CST8: variants seen among roughly 807,000 people sequenced by gnomAD.
The protein encoded by CST8 is cystatin 8, also known as cystatin-8.
In CST8, 20 loss-of-function variants were observed where a neutral mutation model predicts 11.8. The ratio of observed to expected loss-of-function variants is 1.70; its 90% CI spans 1.20 to 2.47. The LOEUF (loss-of-function observed/expected upper bound fraction) is 2.47. CST8 is among the 30% of genes most tolerant of loss of function. The probability of loss-of-function intolerance (pLI) is 0.00; values close to 1 mark genes in which losing one functional copy is unlikely to be tolerated. For synonymous variants in CST8, 77 were observed against 63.1 expected, an observed-to-expected ratio of 1.22 and a Z score of -1.05; for missense variants, 196 against 167.2, an observed-to-expected ratio of 1.17 and a Z score of -0.95.
At chr20:23,496,230 A>C (rs1382052028), downstream of CST8, among the ~76,000 whole-genome samples, 1 of 151,848 alleles carries the variant, frequency 6.6e-6, no homozygotes, top group Non-Finnish European at 1.5e-5. Flanking sequence ...ATATCAGGTG[A>C]AATTCACCCC....
In CST8 at chr20:23,495,843, A is replaced by C. The variant is rs201638851; in HGVS notation, c.358A>C (p.Ser120Arg). The change falls in exon 4 of 4, where the codon AGC becomes CGC. Residue 120 changes from serine to arginine, a missense_variant. Ser to Arg is a moderately radical substitution (Grantham distance 110). Transcript: ENST00000246012. ...TCATCTTTTTCAGAAATTAAGCTGC[A>C]GCTTTTTGGTAGGAGCACTTCCCTG... ...NSKLKRKLSCSFLVGALPWNG... is the reference protein window; with the variant it reads ...NSKLKRKLSCRFLVGALPWNG... 62 of 1,603,374 alleles carry C rather than the reference A, an allele frequency of 3.9e-5. No individual in the cohort carries two copies. The highest frequency in any genetic ancestry group is 1.9e-4 in the Admixed American group (11 of 58,510).
intron 2 of CST8, 97 bp downstream of exon 2, chr20:23,491,995 A>G: frequency 2.2e-6 from 2 of 905,498 alleles, no homozygotes; most frequent in South Asian, 3.1e-5. Flanking sequence ...ATCACTATGC[A>G]AAAATCCTAA....
At chr20:23,499,913 C>T (rs1171150326), downstream of CST8, among the ~76,000 whole-genome samples, 1 of 151,990 alleles carries the variant, frequency 6.6e-6, no homozygotes, top group Non-Finnish European at 1.5e-5. Context: ...ATTTGGCTCA[C>T]AGTTCTGTAA....
chr20:23,497,273 C>T (rs1423519980), downstream of CST8, among the ~76,000 whole-genome samples: 2 of 152,246 alleles, frequency 1.3e-5, no homozygotes, highest in African/African-American at 4.8e-5. Context: ...ATGGCTTCAG[C>T]CGGTCCCTCT....
the CST8 span, among the ~76,000 whole-genome samples, chr20:23,503,282 A>G: frequency 6.6e-6 from 1 of 152,240 alleles, no homozygotes; most frequent in African/African-American, 2.4e-5. Flanking sequence ...AAACTAATAG[A>G]CTAGAGAGTC....
intron 3 of CST8, among the ~76,000 whole-genome samples, chr20:23,494,416 C>CT (rs1987981112): frequency 6.6e-6 from 1 of 152,136 alleles, no homozygotes; most frequent in Admixed American, 6.6e-5. Context: ...AAAACTTTCT[C>CT]TTTTTCCAAG....
chr20:23,503,078 G>A, the CST8 span, among the ~76,000 whole-genome samples: 3 of 152,192 alleles, frequency 2.0e-5, no homozygotes, highest in South Asian at 6.2e-4. Context: ...GGCAGATACT[G>A]ATTGATACGT....
At chr20:23,500,285 T>G (rs993611496), downstream of CST8, among the ~76,000 whole-genome samples, 2 of 152,174 alleles carry the variant, frequency 1.3e-5, no homozygotes, top group African/African-American at 2.4e-5. Flanking sequence ...TTGACCCTGC[T>G]GGGACCAGGG....
the CST8 span, among the ~76,000 whole-genome samples, chr20:23,501,822 C>CT: frequency 2.0e-5 from 3 of 152,148 alleles, no homozygotes; most frequent in South Asian, 2.1e-4. Context: ...ATTATTGTTC[C>CT]TTTTTTCTGG....
chr20:23,504,762 G>A, the CST8 span, among the ~76,000 whole-genome samples: 1 of 152,098 alleles, frequency 6.6e-6, no homozygotes, highest in Admixed American at 6.6e-5. Context: ...AACTTTTATT[G>A]ATGGAACAAA....
chr20:23,499,456 C>A (rs1191353598), downstream of CST8, among the ~76,000 whole-genome samples: 1 of 152,214 alleles, frequency 6.6e-6, no homozygotes, highest in Non-Finnish European at 1.5e-5. Context: ...CTCTACACCA[C>A]CTTTCCCTGC....
At chr20:23,493,733 G>T (rs1987960601) in intron 3 of CST8, among the ~76,000 whole-genome samples, 1 of 152,166 alleles carries the variant, frequency 6.6e-6, no homozygotes, top group Admixed American at 6.5e-5. Flanking sequence ...CCAGTACTTG[G>T]TCCCAGACAG....
At chr20:23,499,710 G>A (rs1487285885), downstream of CST8, among the ~76,000 whole-genome samples, 1 of 152,168 alleles carries the variant, frequency 6.6e-6, no homozygotes, top group East Asian at 1.9e-4. Flanking sequence ...GGGATGCATG[G>A]CCTGTCCACC....
chr20:23,496,909 C>G (rs1365598557), downstream of CST8, among the ~76,000 whole-genome samples: 1 of 152,200 alleles, frequency 6.6e-6, no homozygotes, highest in East Asian at 1.9e-4. Context: ...AAGGTTATCT[C>G]TCTTGTTCCC....
chr20:23,503,042 C>A, the CST8 span, among the ~76,000 whole-genome samples: 1 of 151,938 alleles, frequency 6.6e-6, no homozygotes, highest in East Asian at 1.9e-4. Context: ...CAGTTTCCCA[C>A]GGCAGGTGTC....
At chr20:23,499,057 T>G (rs1018141615), downstream of CST8, among the ~76,000 whole-genome samples, 2 of 152,080 alleles carry the variant, frequency 1.3e-5, no homozygotes, top group African/African-American at 4.8e-5. Context: ...GATAGATAGG[T>G]GAGAGGCAGC....
At chr20:23,503,076 C>G in the CST8 span, among the ~76,000 whole-genome samples, 16 of 151,892 alleles carry the variant, frequency 1.1e-4, no homozygotes, top group Middle Eastern at 3.4e-3. Context: ...TAGGCAGATA[C>G]TGATTGATAC....
chr20:23,493,222 C>T, intron 3 of CST8, 151 bp downstream of exon 3: 2 of 627,622 alleles, frequency 3.2e-6, no homozygotes, highest in South Asian at 1.9e-5. Flanking sequence ...GCAGAAGATC[C>T]AGGGCCACGG....
In CST8 at chr20:23,495,955, A is replaced by C; in HGVS notation, c.*41A>C. ...TCCCTCCAACCTCTGTGACTACTTT[A>C]TCCATGAAAATGAAGCAATGGCAGG... On this transcript the variant is annotated 3_prime_UTR_variant, in exon 4 of 4. Coordinates refer to ENST00000246012, the MANE Select transcript of CST8 (RefSeq NM_005492.4). The C allele has an allele frequency of 6.8e-7, 1 of 1,468,176 alleles. No individual in the cohort carries two copies. The highest frequency in any genetic ancestry group is 9.4e-7 in the Non-Finnish European group (1 of 1,066,638). The allele number at this position is 1,468,176 out of a possible 1,614,324, so 90.9% of individuals were successfully genotyped here.
Sources: allele counts gnomAD v4.1 joint callset (sites outside exome capture counted in the v4.1 genomes callset), GRCh38; gene constraint gnomAD v4.1.1; transcripts MANE v1.5; gene names NCBI Gene and HGNC (gene_info 2026-07-23, HGNC 2026-07-21).